Variants in KHDRBS2 observed in about 807,000 individuals in gnomAD.
The protein encoded by KHDRBS2 is KH RNA binding domain containing, signal transduction associated 2.
A neutral mutation model predicts 44.3 loss-of-function variants in KHDRBS2; 26 were observed. The observed-to-expected ratio is 0.59, with a 90% CI of 0.43 to 0.81. The LOEUF (loss-of-function observed/expected upper bound fraction) is 0.81, where lower values mean the gene tolerates loss of function less well. Among genes scored for constraint, KHDRBS2 ranks in the 40% least tolerant of loss-of-function variants. KHDRBS2 has a pLI of 0.00. For synonymous variants in KHDRBS2, 194 were observed against 151.1 expected, an observed-to-expected ratio of 1.28 and a Z score of -2.08; for missense variants, 476 against 433.1, an observed-to-expected ratio of 1.10 and a Z score of -0.88.
At chr6:62,266,018 T>G (rs1229031776) in intron 1 of KHDRBS2, among the ~76,000 whole-genome samples, 1 of 151,752 alleles carries the variant, frequency 6.6e-6, no homozygotes, top group Non-Finnish European at 1.5e-5. Context: ...ATTTCAGGGG[T>G]GGTATTTTCC....
At chr6:61,601,551 T>C in the KHDRBS2 span, among the ~76,000 whole-genome samples, 3 of 152,068 alleles carry the variant, frequency 2.0e-5, no homozygotes, top group Non-Finnish European at 4.4e-5. Flanking sequence ...AGGCAAACGG[T>C]CTGAGGTGCC....
the KHDRBS2 span, among the ~76,000 whole-genome samples, chr6:61,590,455 T>TAA: frequency 6.6e-6 from 1 of 152,202 alleles, no homozygotes; most frequent in Non-Finnish European, 1.5e-5. Flanking sequence ...TACTCTGAGA[T>TAA]AAAATATTTT....
At chr6:61,828,544 T>C (rs1241933472) in intron 6 of KHDRBS2, among the ~76,000 whole-genome samples, 1 of 152,216 alleles carries the variant, frequency 6.6e-6, no homozygotes, top group Non-Finnish European at 1.5e-5. Flanking sequence ...GAGTTTATCA[T>C]AACCAGTGAG....
At chr6:61,820,393 T>A (rs1054029338) in intron 6 of KHDRBS2, among the ~76,000 whole-genome samples, 2 of 151,838 alleles carry the variant, frequency 1.3e-5, no homozygotes, top group African/African-American at 4.8e-5. Flanking sequence ...TAGAATGAAA[T>A]ATAAGATTTT....
chr6:61,645,971 T>C, the KHDRBS2 span, among the ~76,000 whole-genome samples: 1 of 152,332 alleles, frequency 6.6e-6, no homozygotes, highest in South Asian at 2.1e-4. Flanking sequence ...CAGTTTCCTG[T>C]GCTTGTATCC....
rs1243625128 is a variant in KHDRBS2, at chr6:62,240,418, A to T, written c.91+45440T>A. ...CCTTTACTAGAGAAGTTTAGCAAAAATTAAGTTGTGGGTACTGGGTATGTT... is the reference window on the plus strand; with the variant it reads ...CCTTTACTAGAGAAGTTTAGCAAAATTTAAGTTGTGGGTACTGGGTATGTT... On this transcript the variant is annotated intron_variant, in intron 1 of 8. Transcript: ENST00000281156. Among the ~76,000 whole-genome samples, 3 of 151,848 alleles carry T rather than the reference A, an allele frequency of 2.0e-5. No individual in the cohort carries two copies. The East Asian group carries it at 5.8e-4, about 30-fold the overall frequency.
Position 62,092,143 on chromosome 6 carries a change from G to T in KHDRBS2, c.220-44149C>A, listed in dbSNP as rs528605540. 2.0e-5 allele frequency among the ~76,000 whole-genome samples: 3 copies of T among 151,190 alleles called. No individual in the cohort carries two copies. The South Asian group carries it at 6.3e-4, about 32-fold the overall frequency. ...GTTTTTTTTTTTAATCTTCTGCTCA[G>T]CTTCCACCAGCTCTCTACCATTTCC... is the stretch of plus-strand genomic sequence containing the variant. On this transcript the variant is annotated intron_variant, in intron 2 of 8. Transcript: ENST00000281156.
chr6:61,619,437 TTTTGTTTG>T, the KHDRBS2 span, among the ~76,000 whole-genome samples: 81,220 of 151,082 alleles, frequency 0.54, 22,348 homozygotes, highest in Non-Finnish European at 0.61. Flanking sequence ...AATACATTAT[TTTTGTTTG>T]TTTGTTTGTT....
chr6:61,751,801 C>G (rs2127568916), intron 6 of KHDRBS2, among the ~76,000 whole-genome samples: 1 of 152,220 alleles, frequency 6.6e-6, no homozygotes, highest in Non-Finnish European at 1.5e-5. Context: ...TCTCACAGTT[C>G]TAGAGGTTAC....
intron 3 of KHDRBS2, among the ~76,000 whole-genome samples, chr6:62,029,874 T>G (rs1000792412): frequency 1.3e-5 from 2 of 151,954 alleles, no homozygotes; most frequent in Non-Finnish European, 2.9e-5. Flanking sequence ...TTGTTTACAT[T>G]AAGTGAATGT....
At chr6:61,558,945 T>C in the KHDRBS2 span, among the ~76,000 whole-genome samples, 1 of 152,086 alleles carries the variant, frequency 6.6e-6, no homozygotes. Flanking sequence ...TTGGTCTTAG[T>C]GTAGATTAAG....
At chr6:61,584,582 T>G in the KHDRBS2 span, among the ~76,000 whole-genome samples, 14 of 151,864 alleles carry the variant, frequency 9.2e-5, no homozygotes, top group Admixed American at 7.9e-4. Flanking sequence ...TTGATGAATT[T>G]AATTTGCTAT....
chr6:62,014,802 T>C (rs962211871), intron 3 of KHDRBS2, among the ~76,000 whole-genome samples: 2 of 152,280 alleles, frequency 1.3e-5, no homozygotes, highest in East Asian at 3.9e-4. Flanking sequence ...CATGGGAATG[T>C]TACTATTTTT....
intron 7 of KHDRBS2, among the ~76,000 whole-genome samples, chr6:61,720,231 TAA>T (rs949311109): frequency 1.1e-4 from 17 of 152,350 alleles, no homozygotes; most frequent in Non-Finnish European, 2.1e-4. Flanking sequence ...AATGCCGCAA[TAA>T]ACATACGTGT....
At chr6:61,655,521 T>G in the KHDRBS2 span, among the ~76,000 whole-genome samples, 1 of 152,010 alleles carries the variant, frequency 6.6e-6, no homozygotes, top group South Asian at 2.1e-4. Context: ...TCCCAAAGTG[T>G]TGGGATTACA....
At chr6:61,773,203 G>C (rs1176777310) in intron 6 of KHDRBS2, among the ~76,000 whole-genome samples, 3 of 152,092 alleles carry the variant, frequency 2.0e-5, no homozygotes, top group Non-Finnish European at 4.4e-5. Context: ...CTAGATCCCT[G>C]AGGAATCGCC....
intron 3 of KHDRBS2, among the ~76,000 whole-genome samples, chr6:61,982,985 G>A (rs1277399779): frequency 6.6e-6 from 1 of 151,056 alleles, no homozygotes; most frequent in East Asian, 1.9e-4. Flanking sequence ...TTTTCTCTTT[G>A]TCTAATTCCT....
chr6:61,574,438 T>A, the KHDRBS2 span: 1 of 1,468,230 alleles, frequency 6.8e-7, no homozygotes, highest in South Asian at 1.2e-5. Context: ...GAGCTTCAAT[T>A]TACCAATGCA....
intron 1 of KHDRBS2, among the ~76,000 whole-genome samples, chr6:62,227,879 G>C (rs1269798832): frequency 6.6e-6 from 1 of 152,162 alleles, no homozygotes; most frequent in Non-Finnish European, 1.5e-5. Context: ...AAGCCAATTT[G>C]ATCAGGGTGG....
Sources: allele counts gnomAD v4.1 joint callset (sites outside exome capture counted in the v4.1 genomes callset), GRCh38; gene constraint gnomAD v4.1.1; transcripts MANE v1.5; gene names NCBI Gene and HGNC (gene_info 2026-07-23, HGNC 2026-07-21).